Variants in PRMT8 observed in about 807,000 individuals in gnomAD.
PRMT8 encodes protein arginine methyltransferase 8.
Under a neutral mutation model 47.1 loss-of-function variants are expected in PRMT8, and 7 were observed. That is an observed-to-expected ratio of 0.15 (90% confidence interval 0.08 to 0.28). The LOEUF is 0.28. Among genes scored for constraint, PRMT8 ranks in the 10% least tolerant of loss-of-function variants. The pLI is 1.00. For synonymous variants in PRMT8, 188 were observed against 186.5 expected (o/e 1.01, Z -0.07); for missense variants, 237 against 505.4 (o/e 0.47, Z 5.09).
At chr12:3,482,664 GGCC>G in intron 1 of PRMT8, among the ~76,000 whole-genome samples, 1 of 152,198 alleles carries the variant, frequency 6.6e-6, no homozygotes, top group South Asian at 2.1e-4. Flanking sequence ...CAGATACTCT[GGCC>G]TCTGGGGCTG....
intron 1 of PRMT8, among the ~76,000 whole-genome samples, chr12:3,426,171 G>A (rs1170483476): frequency 6.6e-6 from 1 of 152,210 alleles, no homozygotes; most frequent in Non-Finnish European, 1.5e-5. Context: ...AGTGGAAAGG[G>A]GACAATGTGG....
chr12:3,553,788 T>G (rs1344263542), intron 4 of PRMT8, 74 bp downstream of exon 4: 1 of 1,380,610 alleles, frequency 7.2e-7, no homozygotes, highest in African/African-American at 1.4e-5. Context: ...TGGGATGGCA[T>G]AGCGGGAGGA....
At chr12:3,382,462 A>G (rs1435426387) in intron 1 of PRMT8, among the ~76,000 whole-genome samples, 2 of 152,038 alleles carry the variant, frequency 1.3e-5, no homozygotes, top group Non-Finnish European at 2.9e-5. Context: ...TTAAATTTGC[A>G]TTTTCCTAAT....
At chr12:3,448,265 A>G (rs1206516310) in intron 1 of PRMT8, among the ~76,000 whole-genome samples, 1 of 152,080 alleles carries the variant, frequency 6.6e-6, no homozygotes, top group East Asian at 1.9e-4. Flanking sequence ...TTGGCCTCCC[A>G]AAGTGTTGGA....
chr12:3,593,467 G>A lies in PRMT8; in HGVS notation c.*285G>A, dbSNP rs555134187. 4.1e-5 allele frequency: 17 copies of A among 417,434 alleles called. No homozygotes were observed. Among genetic ancestry groups the A allele is most frequent in the South Asian group, 3.4e-4 (13 of 38,726 alleles). 25.9% of individuals were successfully genotyped at this position (417,434 alleles called of 1,614,324 possible). A position where few individuals can be genotyped will look rare whatever the true frequency, so the allele number is the denominator to read the frequency against. On this transcript the variant is annotated 3_prime_UTR_variant, in exon 10 of 10. Transcript: ENST00000382622. The surrounding 1 kb of genome is among the most constrained non-coding windows in gnomAD (Gnocchi z 4.8). ...GGGCCCCGAGGGTGGAAACGTATTC[G>A]CGTCTCCCCGTCTCCTCCTTAACTG... is the stretch of plus-strand genomic sequence containing the variant.
chr12:3,538,412 T>A lies in PRMT8; in HGVS notation c.76-2194T>A, dbSNP rs1866159477. 2.9e-6 allele frequency: 1 copy of A among 345,206 alleles called. No individual in the cohort carries two copies. The highest frequency in any genetic ancestry group is 5.7e-6 in the Non-Finnish European group (1 of 174,524). 21.4% of individuals were successfully genotyped at this position (345,206 alleles called of 1,614,324 possible). On this transcript the variant is annotated intron_variant, in intron 1 of 9. Coordinates refer to ENST00000382622, the MANE Select transcript of PRMT8 (RefSeq NM_019854.5). The surrounding 1 kb of genome is among the most constrained non-coding windows in gnomAD (Gnocchi z 4.6). ...TGTTGGAGATCTGTGCAGTAGGCAG[T>A]TGTGGAATTAAAAGCAACACCCCAT...
chr12:3,592,264 C>T lies in PRMT8; in HGVS notation c.1013C>T (p.Thr338Ile), dbSNP rs373595465. Residue 338 changes from threonine to isoleucine, a missense_variant, in exon 9 of 10, where the codon ACC becomes ATC. Coordinates refer to ENST00000382622, the MANE Select transcript of PRMT8 (RefSeq NM_019854.5). The stretch of plus-strand genomic sequence containing the variant: ...GCTCCCTACACCCACTGGAAGCAGA[C>T]CGTCTTCTACTTGGAAGATTACCTC... The part of the protein sequence containing the change: ...PDAPYTHWKQ[T>I]VFYLEDYLTV... 6.3e-7 allele frequency: 1 copy of T among 1,593,702 alleles called. No individual in the cohort carries two copies. The highest frequency in any genetic ancestry group is 1.4e-5 in the African/African-American group (1 of 73,744).
intron 1 of PRMT8, among the ~76,000 whole-genome samples, chr12:3,497,365 A>G (rs1429113406): frequency 6.6e-6 from 1 of 152,208 alleles, no homozygotes; most frequent in African/African-American, 2.4e-5. Context: ...CTTGTTAAAA[A>G]GCTTCAGAGA....
chr12:3,590,415 C>A (rs2137238260), intron 8 of PRMT8, among the ~76,000 whole-genome samples: 2 of 152,286 alleles, frequency 1.3e-5, no homozygotes, highest in Middle Eastern at 6.8e-3. Context: ...GTGTGAACAC[C>A]TGCCAGGGTG....
chr12:3,507,721 T>C (rs1865652093), intron 1 of PRMT8, among the ~76,000 whole-genome samples: 1 of 151,880 alleles, frequency 6.6e-6, no homozygotes, highest in Non-Finnish European at 1.5e-5. Flanking sequence ...ATATAGCACA[T>C]ACTATTCCTT....
chr12:3,451,940 G>A (rs1864923182), intron 1 of PRMT8, among the ~76,000 whole-genome samples: 1 of 152,176 alleles, frequency 6.6e-6, no homozygotes. Flanking sequence ...GATAGATGCG[G>A]CTTCTCCACA....
intron 1 of PRMT8, among the ~76,000 whole-genome samples, chr12:3,507,597 G>A (rs1239018053): frequency 6.6e-6 from 1 of 152,070 alleles, no homozygotes; most frequent in Admixed American, 6.5e-5. Context: ...TGTAGATAGG[G>A]CCCTAATTAA....
chr12:3,452,470 C>G (rs542812031), intron 1 of PRMT8, among the ~76,000 whole-genome samples: 1 of 152,212 alleles, frequency 6.6e-6, no homozygotes, highest in South Asian at 2.1e-4. Context: ...CAGATAGATC[C>G]GAGAATTAAT....
At chr12:3,451,033 A>C (rs201513712) in intron 1 of PRMT8, among the ~76,000 whole-genome samples, 32 of 26,104 alleles carry the variant, frequency 1.2e-3, no homozygotes, top group South Asian at 2.4e-3. Flanking sequence ...TCTTGCTGAC[A>C]CCCCCCCCCC....
chr12:3,403,003 A>G (rs1328480549), intron 1 of PRMT8, among the ~76,000 whole-genome samples: 2 of 152,266 alleles, frequency 1.3e-5, no homozygotes, highest in East Asian at 3.8e-4. Context: ...TTCTATTACA[A>G]AGATACATGC....
intron 1 of PRMT8, among the ~76,000 whole-genome samples, chr12:3,387,877 A>G (rs760874619): frequency 1.3e-5 from 2 of 152,222 alleles, no homozygotes; most frequent in African/African-American, 4.8e-5. Flanking sequence ...TAAATATTCC[A>G]GCATACATCA....
intron 1 of PRMT8, among the ~76,000 whole-genome samples, chr12:3,446,490 C>T (rs780072540): frequency 1.3e-5 from 2 of 152,154 alleles, no homozygotes; most frequent in Non-Finnish European, 2.9e-5. Flanking sequence ...AAACACCAGC[C>T]GAGGTTGCCA....
At chr12:3,498,450 G>A (rs1162207884) in intron 1 of PRMT8, among the ~76,000 whole-genome samples, 2 of 152,286 alleles carry the variant, frequency 1.3e-5, no homozygotes, top group South Asian at 2.1e-4. Flanking sequence ...TTTCCAGGAC[G>A]TCTTTTCTTG....
chr12:3,472,443 G>A (rs1039096617), intron 1 of PRMT8, among the ~76,000 whole-genome samples: 1 of 152,350 alleles, frequency 6.6e-6, no homozygotes, highest in South Asian at 2.1e-4. Context: ...AGTGGGTAAA[G>A]GTGCTTGGCT....
Sources: allele counts gnomAD v4.1 joint callset (sites outside exome capture counted in the v4.1 genomes callset), GRCh38; gene constraint gnomAD v4.1.1; non-coding constraint Gnocchi (gnomAD v3.1); transcripts MANE v1.5; gene names NCBI Gene and HGNC (gene_info 2026-07-23, HGNC 2026-07-21).